HDAC9: variants seen among roughly 807,000 people sequenced by gnomAD.
HDAC9 encodes the protein MEF-2 interacting transcription repressor (MITR) protein.
HDAC9 carries 41 observed loss-of-function variants against 139.4 expected under a neutral mutation model. That is an observed-to-expected ratio of 0.29 (90% confidence interval 0.23 to 0.38). The LOEUF is 0.38. Among genes scored for constraint, HDAC9 ranks in the 10% least tolerant of loss-of-function variants. The probability of loss-of-function intolerance (pLI) is 1.00; values close to 1 mark genes in which losing one functional copy is unlikely to be tolerated. For synonymous variants in HDAC9, 517 were observed against 476.2 expected (o/e 1.09, Z -1.12); for missense variants, 1,147 against 1,297.0 (o/e 0.88, Z 1.78).
intron 2 of HDAC9, among the ~76,000 whole-genome samples, chr7:18,524,863 T>TACACAC (rs57123600): frequency 0.024 from 3,072 of 127,692 alleles, 33 homozygotes; most frequent in Middle Eastern, 0.036. Flanking sequence ...CTTAGTGACA[T>TACACAC]ACACACACAC....
At chr7:18,803,337 G>T (rs529859580) in intron 17 of HDAC9, among the ~76,000 whole-genome samples, 32 of 152,172 alleles carry the variant, frequency 2.1e-4, no homozygotes, top group African/African-American at 7.7e-4. Flanking sequence ...CACTGACGAG[G>T]TATGATTGTA....
intron 1 of HDAC9, among the ~76,000 whole-genome samples, chr7:18,106,715 G>C (rs573735439): frequency 2.0e-5 from 3 of 152,114 alleles, no homozygotes; most frequent in Non-Finnish European, 4.4e-5. Context: ...CAGCCTCCCA[G>C]TGTGCTGGGA....
intron 12 of HDAC9, among the ~76,000 whole-genome samples, chr7:18,683,739 A>G (rs1282574247): frequency 2.0e-5 from 3 of 152,090 alleles, no homozygotes; most frequent in Non-Finnish European, 4.4e-5. Context: ...GGCAGAAACC[A>G]ATCTTTACAT....
intron 22 of HDAC9, among the ~76,000 whole-genome samples, chr7:18,921,520 G>T (rs1028547037): frequency 6.6e-6 from 1 of 151,968 alleles, no homozygotes; most frequent in Non-Finnish European, 1.5e-5. Context: ...AATCAAAACC[G>T]CAATGAGATA....
chr7:18,121,544 CAA>C (rs5882646), intron 1 of HDAC9, among the ~76,000 whole-genome samples: 20,693 of 108,774 alleles, frequency 0.19, 1,702 homozygotes, highest in South Asian at 0.37. Context: ...TAAGAATATG[CAA>C]AAAAAAAAAA....
intron 16 of HDAC9, among the ~76,000 whole-genome samples, chr7:18,767,642 T>C (rs1188695444): frequency 6.6e-6 from 1 of 152,222 alleles, no homozygotes; most frequent in Non-Finnish European, 1.5e-5. Context: ...GACATTTTTG[T>C]CTTCAATAAT....
At position 18,866,029 on chromosome 7, in the gene HDAC9, CAAAACTT is replaced by C. The variant is rs1188532063; in HGVS notation, c.2685-8448_2685-8442del. Among the ~76,000 whole-genome samples the C allele has an allele frequency of 4.0e-5, 6 of 149,894 alleles. No homozygotes were observed. The East Asian group carries it at 1.2e-3, about 29-fold the overall frequency. On this transcript the variant is annotated intron_variant, in intron 21 of 25. Coordinates refer to ENST00000686413, the MANE Select transcript of HDAC9 (RefSeq NM_178425.4). The stretch of plus-strand genomic sequence containing the variant: ...ATATAAGATCATATAACTGCCTACT[CAAAACTT>C]TTGAGTTTCCACTCTTGTTCAGAAT...
intron 1 of HDAC9, among the ~76,000 whole-genome samples, chr7:18,115,318 G>A (rs1246514775): frequency 6.6e-6 from 1 of 151,782 alleles, no homozygotes; most frequent in African/African-American, 2.4e-5. Context: ...ATCCATATAT[G>A]GATCAATCTT....
At chr7:18,927,652 G>C (rs1031047315) in intron 22 of HDAC9, among the ~76,000 whole-genome samples, 3 of 152,244 alleles carry the variant, frequency 2.0e-5, no homozygotes, top group Admixed American at 6.5e-5. Context: ...TAAATGTGTG[G>C]TGAAGTCTTC....
At chr7:18,932,713 A>G (rs1176890542) in intron 22 of HDAC9, among the ~76,000 whole-genome samples, 1 of 152,046 alleles carries the variant, frequency 6.6e-6, no homozygotes, top group African/African-American at 2.4e-5. Context: ...CATCATATCT[A>G]TCTTAGCTTT....
At chr7:18,602,564 C>T (rs1279378534) in intron 6 of HDAC9, among the ~76,000 whole-genome samples, 1 of 150,382 alleles carries the variant, frequency 6.6e-6, no homozygotes, top group Non-Finnish European at 1.5e-5. Flanking sequence ...TTTATCTTTT[C>T]TTCTAATATA....
intron 1 of HDAC9, among the ~76,000 whole-genome samples, chr7:18,444,372 G>GATGTGCT (rs1792096292): frequency 7.2e-6 from 1 of 139,206 alleles, no homozygotes; most frequent in Non-Finnish European, 1.5e-5. Flanking sequence ...AAAAAAGAGT[G>GATGTGCT]ATGTGCTATC....
At position 18,812,548 on chromosome 7, in the gene HDAC9, G is replaced by C. The variant is rs142843116; in HGVS notation, c.2323-16613G>C. Among the ~76,000 whole-genome samples the C allele has an allele frequency of 6.6e-5, 10 of 151,346 alleles. No individual in the cohort carries two copies. In the East Asian group the frequency reaches 1.9e-3, roughly 29 times the overall value. On this transcript the variant is annotated intron_variant, in intron 17 of 25. Transcript: ENST00000686413. ...TTCCTTTTTTTGAAAATTAGAAATC[G>C]GCTGTCATGCTTGTTGAAAAGATGT...
chr7:18,213,876 T>C (rs1269778612), intron 2 of HDAC9, among the ~76,000 whole-genome samples: 1 of 152,164 alleles, frequency 6.6e-6, no homozygotes, highest in Non-Finnish European at 1.5e-5. Flanking sequence ...TTGAAGGATC[T>C]CTTGAGTCAT....
chr7:18,624,600 T>C (rs1192725159), intron 6 of HDAC9, among the ~76,000 whole-genome samples: 1 of 152,080 alleles, frequency 6.6e-6, no homozygotes, highest in Non-Finnish European at 1.5e-5. Context: ...CCCCAGCTAG[T>C]GATCTTTTTC....
At chr7:18,897,617 A>T (rs1801325327) in intron 22 of HDAC9, among the ~76,000 whole-genome samples, 1 of 151,858 alleles carries the variant, frequency 6.6e-6, no homozygotes, top group African/African-American at 2.4e-5. Flanking sequence ...AGATCTTGCT[A>T]AACTGCTTGA....
At chr7:18,789,037 A>G (rs546623633) in intron 16 of HDAC9, among the ~76,000 whole-genome samples, 1 of 152,276 alleles carries the variant, frequency 6.6e-6, no homozygotes, top group South Asian at 2.1e-4. Context: ...CATTCAGAGA[A>G]GAAATAATCA....
chr7:18,536,354 C>G (rs987373130), intron 2 of HDAC9, among the ~76,000 whole-genome samples: 1 of 152,066 alleles, frequency 6.6e-6, no homozygotes, highest in African/African-American at 2.4e-5. Flanking sequence ...CGAATCAGCT[C>G]CCACCTAAAC....
At chr7:18,441,874 TCTC>T (rs1791800991) in intron 1 of HDAC9, among the ~76,000 whole-genome samples, 1 of 152,038 alleles carries the variant, frequency 6.6e-6, no homozygotes, top group African/African-American at 2.4e-5. Flanking sequence ...TTCACGCCAT[TCTC>T]CTGCCTCAGC....
Sources: allele counts gnomAD v4.1 joint callset (sites outside exome capture counted in the v4.1 genomes callset), GRCh38; gene constraint gnomAD v4.1.1; transcripts MANE v1.5; gene names NCBI Gene and HGNC (gene_info 2026-07-23, HGNC 2026-07-21).